ST6GALNAC3: variants seen among roughly 807,000 people sequenced by gnomAD.
The protein encoded by ST6GALNAC3 is ST6 N-acetylgalactosaminide alpha-2,6-sialyltransferase 3.
In ST6GALNAC3, 25 loss-of-function variants were observed where a neutral mutation model predicts 32.7. That is an observed-to-expected ratio of 0.76 (90% CI 0.56 to 1.07). ST6GALNAC3 has a LOEUF of 1.07. ST6GALNAC3 is among the 50% of genes least tolerant of loss of function. The pLI, the probability that ST6GALNAC3 is intolerant of heterozygous loss-of-function variation, is 0.00. For synonymous variants in ST6GALNAC3, 129 were observed against 133.1 expected, an observed-to-expected ratio of 0.97 and a Z score of 0.21; for missense variants, 355 against 382.4, an observed-to-expected ratio of 0.93 and a Z score of 0.60.
At chr1:76,441,088 CAAA>C (rs397980569) in intron 3 of ST6GALNAC3, among the ~76,000 whole-genome samples, 68 of 90,266 alleles carry the variant, frequency 7.5e-4, no homozygotes, top group Middle Eastern at 7.7e-3. Flanking sequence ...ACTATGTCTC[CAAA>C]AAAAAAAAAA....
At chr1:76,246,962 G>T (rs1180751904) in intron 1 of ST6GALNAC3, among the ~76,000 whole-genome samples, 1 of 152,166 alleles carries the variant, frequency 6.6e-6, no homozygotes, top group Non-Finnish European at 1.5e-5. Context: ...GATCTTTGAG[G>T]CTGATGACCT....
At chr1:76,539,245 G>C (rs777734423) in intron 3 of ST6GALNAC3, among the ~76,000 whole-genome samples, 12 of 152,212 alleles carry the variant, frequency 7.9e-5, no homozygotes, top group Admixed American at 2.6e-4. Context: ...TGACAAACCT[G>C]ACAAAAACAA....
intron 1 of ST6GALNAC3, among the ~76,000 whole-genome samples, chr1:76,209,013 C>G (rs1178045679): frequency 5.9e-5 from 9 of 152,128 alleles, no homozygotes; most frequent in Admixed American, 1.3e-4. Context: ...TTTTGTAGTT[C>G]TCCTGTCAAA....
At chr1:76,171,679 G>T (rs1385117397) in intron 1 of ST6GALNAC3, among the ~76,000 whole-genome samples, 1 of 151,672 alleles carries the variant, frequency 6.6e-6, no homozygotes, top group Non-Finnish European at 1.5e-5. Context: ...AAATAAACTA[G>T]AAAATTTAGA....
At chr1:76,378,666 C>A (rs565513249) in intron 2 of ST6GALNAC3, among the ~76,000 whole-genome samples, 1 of 101,632 alleles carries the variant, frequency 9.8e-6, no homozygotes. Flanking sequence ...CCTTCCCCCC[C>A]CCAAAAAAAA....
chr1:76,567,852 G>T (rs1665641753), intron 3 of ST6GALNAC3, among the ~76,000 whole-genome samples: 1 of 152,134 alleles, frequency 6.6e-6, no homozygotes, highest in Non-Finnish European at 1.5e-5. Context: ...AAATTCTCAA[G>T]CTTGGAATTT....
intron 1 of ST6GALNAC3, among the ~76,000 whole-genome samples, chr1:76,192,596 C>T (rs1324188199): frequency 6.6e-6 from 1 of 152,168 alleles, no homozygotes; most frequent in African/African-American, 2.4e-5. Context: ...GGCCTTGTTT[C>T]AGGGGCTTGT....
chr1:76,211,833 T>C (rs1290051341), intron 1 of ST6GALNAC3, among the ~76,000 whole-genome samples: 3 of 151,942 alleles, frequency 2.0e-5, no homozygotes, highest in Non-Finnish European at 4.4e-5. Flanking sequence ...ATACCTAATG[T>C]TAAATGATGA....
intron 1 of ST6GALNAC3, among the ~76,000 whole-genome samples, chr1:76,101,232 G>A (rs779961337): frequency 5.3e-5 from 8 of 152,054 alleles, no homozygotes; most frequent in African/African-American, 9.7e-5. Context: ...TGCCTTTTCC[G>A]GAAGGTCATA....
chr1:76,634,267 TAA>T lies in ST6GALNAC3; in HGVS notation c.*5462_*5463del. 1 of 671,838 alleles carries T rather than the reference TAA, an allele frequency of 1.5e-6. No individual in the cohort carries two copies. Among genetic ancestry groups the T allele is most frequent in the Non-Finnish European group, 1.8e-6 (1 of 543,438 alleles). 41.6% of individuals were successfully genotyped at this position (671,838 alleles called of 1,614,324 possible). ...TTGCCTATGAAGTGAGAGCTATTTC[TAA>T]GAAACTTCAAAAAGATCAAAACGAG... On this transcript the variant is annotated 3_prime_UTR_variant, in exon 5 of 5. Transcript: ENST00000328299.
chr1:76,263,505 A>C (rs1463725208), intron 1 of ST6GALNAC3, among the ~76,000 whole-genome samples: 1 of 152,140 alleles, frequency 6.6e-6, no homozygotes, highest in African/African-American at 2.4e-5. Context: ...GGGAAACTGC[A>C]CTGTTAATCA....
intron 1 of ST6GALNAC3, among the ~76,000 whole-genome samples, chr1:76,269,755 G>A (rs530836513): frequency 6.6e-6 from 1 of 152,170 alleles, no homozygotes; most frequent in Non-Finnish European, 1.5e-5. Flanking sequence ...AAAGAAAACT[G>A]GTTGTCTAGT....
chr1:76,091,437 A>G (rs535321447), intron 1 of ST6GALNAC3, among the ~76,000 whole-genome samples: 1 of 152,220 alleles, frequency 6.6e-6, no homozygotes, highest in Non-Finnish European at 1.5e-5. Flanking sequence ...CCCATTGTGC[A>G]TTAATGCCTA....
chr1:76,204,905 G>T (rs755269452), intron 1 of ST6GALNAC3, among the ~76,000 whole-genome samples: 1 of 152,080 alleles, frequency 6.6e-6, no homozygotes, highest in Admixed American at 6.6e-5. Context: ...TAACTCTTAG[G>T]GTTCTTTCGC....
At position 76,630,249 on chromosome 1, in the gene ST6GALNAC3, A is replaced by T. The variant is rs545280607; in HGVS notation, c.*1443A>T. 1.0e-6 allele frequency: 1 copy of T among 985,250 alleles called. No homozygotes were observed. Among genetic ancestry groups the T allele is most frequent in the Admixed American group, 6.2e-5 (1 of 16,240 alleles). The allele number at this position is 985,250 out of a possible 1,614,324, so 61.0% of individuals were successfully genotyped here. On this transcript the variant is annotated 3_prime_UTR_variant, in exon 5 of 5. Transcript: ENST00000328299. ...ATTATATCAGGATTACACAAAAAGT[A>T]TCACAAAGGATGGTCTTGGCCATAT...
At chr1:76,267,113 G>A (rs745811532) in intron 1 of ST6GALNAC3, among the ~76,000 whole-genome samples, 4 of 152,144 alleles carry the variant, frequency 2.6e-5, no homozygotes, top group Non-Finnish European at 4.4e-5. Context: ...AAATGCCGTA[G>A]GGCTTGACAG....
At chr1:76,162,871 C>T (rs868692572) in intron 1 of ST6GALNAC3, among the ~76,000 whole-genome samples, 13 of 152,084 alleles carry the variant, frequency 8.5e-5, no homozygotes, top group Admixed American at 2.0e-4. Context: ...TAAAGGTTGA[C>T]GTGAAGGACA....
intron 1 of ST6GALNAC3, among the ~76,000 whole-genome samples, chr1:76,175,956 T>C (rs1367183627): frequency 1.3e-5 from 2 of 152,238 alleles, no homozygotes; most frequent in African/African-American, 4.8e-5. Context: ...TCCCTTTTAT[T>C]TTTCTAAATT....
chr1:76,300,562 A>C (rs891910062), intron 1 of ST6GALNAC3, among the ~76,000 whole-genome samples: 1 of 152,002 alleles, frequency 6.6e-6, no homozygotes. Context: ...TCTGTCCTTA[A>C]GCTGCTGCCT....
Sources: allele counts gnomAD v4.1 joint callset (sites outside exome capture counted in the v4.1 genomes callset), GRCh38; gene constraint gnomAD v4.1.1; transcripts MANE v1.5; gene names NCBI Gene and HGNC (gene_info 2026-07-23, HGNC 2026-07-21).